TGIF1: variants seen among roughly 807,000 people sequenced by gnomAD.
TGIF1 encodes the protein homeobox protein TGIF1.
Under a neutral mutation model 19.3 loss-of-function variants are expected in TGIF1, and 4 were observed. That is an observed-to-expected ratio of 0.21 (90% CI 0.10 to 0.47). TGIF1 has a LOEUF of 0.47. Among genes scored for constraint, TGIF1 ranks in the 20% least tolerant of loss-of-function variants. The pLI is 0.98. For synonymous variants in TGIF1, 122 were observed against 129.3 expected (o/e 0.94, Z 0.38); for missense variants, 275 against 341.4 (o/e 0.81, Z 1.53).
intron 1 of TGIF1, chr18:3,412,314 T>C (rs546359767): frequency 2.0e-5 from 3 of 152,170 alleles, no homozygotes; most frequent in Non-Finnish European, 2.9e-5. Flanking sequence ...ATTTGAGAGA[T>C]AGAGTATTTT....
intron 2 of TGIF1, among the ~76,000 whole-genome samples, chr18:3,432,123 CAAAAAAAAA>C (rs751364681): frequency 1.0e-5 from 1 of 98,026 alleles, no homozygotes; most frequent in Non-Finnish European, 2.0e-5. Flanking sequence ...ACAAAACTGT[CAAAAAAAAA>C]AAAAAAAAAA....
At chr18:3,435,421 C>T (rs185227879) in intron 2 of TGIF1, among the ~76,000 whole-genome samples, 1 of 152,274 alleles carries the variant, frequency 6.6e-6, no homozygotes, top group African/African-American at 2.4e-5. Flanking sequence ...TGGTCTCGAA[C>T]TCCTGAGCTC....
At chr18:3,420,090 A>G (rs2082382675) in intron 2 of TGIF1, among the ~76,000 whole-genome samples, 1 of 152,126 alleles carries the variant, frequency 6.6e-6, no homozygotes. Flanking sequence ...TTAAAATCAA[A>G]CAAGTGGCCA....
At chr18:3,452,101 C>T (rs2082967329) in intron 1 of TGIF1, 1 of 1,614,028 alleles carries the variant, frequency 6.2e-7, no homozygotes, top group East Asian at 2.2e-5. Flanking sequence ...CCCCAGTGCT[C>T]CTTTTCCACG....
chr18:3,457,200 TG>T lies in TGIF1; in HGVS notation c.244-163del. On this transcript the variant is annotated intron_variant, in intron 2 of 2. Transcript: ENST00000343820. This position sits in a 1 kb window ranked among gnomAD's most constrained non-coding sequence, Gnocchi z 4.9. ...TATGACAGGTGGTAGCTTGCTTTCT[TG>T]GCGGAGCTCAGATACCTTGAAATAA... The T allele has an allele frequency of 1.2e-6, 1 of 820,992 alleles. No individual in the cohort carries two copies. The highest frequency in any genetic ancestry group is 1.6e-5 in the South Asian group (1 of 60,946). The allele number at this position is 820,992 out of a possible 1,614,324, so 50.9% of individuals were successfully genotyped here.
chr18:3,452,416 T>G (rs2082997695), intron 1 of TGIF1: 1 of 1,612,794 alleles, frequency 6.2e-7, no homozygotes, highest in African/African-American at 1.3e-5. Context: ...TGCGACTGGT[T>G]CAGGGCTCTT....
chr18:3,446,015 T>C (rs1321611342), upstream of TGIF1, among the ~76,000 whole-genome samples: 3 of 152,102 alleles, frequency 2.0e-5, no homozygotes, highest in Non-Finnish European at 2.9e-5. Context: ...AACTTTGTTA[T>C]ATTTGGATGT....
intron 2 of TGIF1, among the ~76,000 whole-genome samples, chr18:3,422,697 T>G (rs1278931033): frequency 3.5e-5 from 5 of 141,676 alleles, no homozygotes; most frequent in Non-Finnish European, 6.2e-5. Context: ...TTTTTTTTTT[T>G]TTTTTTTTTT....
At chr18:3,433,178 C>T (rs2082572408) in intron 2 of TGIF1, among the ~76,000 whole-genome samples, 1 of 151,796 alleles carries the variant, frequency 6.6e-6, no homozygotes, top group Admixed American at 6.6e-5. Context: ...GGCTCAAGCA[C>T]TCCTTTTGCT....
rs1355216701 is a variant in TGIF1 at position 3,457,960 on chromosome 18, G to C, written c.*20G>C. 6.3e-7 allele frequency: 1 copy of C among 1,595,806 alleles called. No individual in the cohort carries two copies. Among genetic ancestry groups the C allele is most frequent in the African/African-American group, 1.3e-5 (1 of 74,812 alleles). ...GCTTAACCCATTTTCAAGCAAAACAGTTCTCAGAAATGTCATGATTGCCGG... is the reference window on the plus strand; with the variant it reads ...GCTTAACCCATTTTCAAGCAAAACACTTCTCAGAAATGTCATGATTGCCGG... On this transcript the variant is annotated 3_prime_UTR_variant, in exon 3 of 3. Coordinates refer to ENST00000343820, the MANE Select transcript of TGIF1 (RefSeq NM_003244.4). This position sits in a 1 kb window ranked among gnomAD's most constrained non-coding sequence, Gnocchi z 4.9.
chr18:3,421,178 A>G (rs1440399535), intron 2 of TGIF1, among the ~76,000 whole-genome samples: 2 of 151,484 alleles, frequency 1.3e-5, no homozygotes, highest in Non-Finnish European at 2.9e-5. Flanking sequence ...ATTTGATGGT[A>G]CTAGCACTTG....
chr18:3,432,997 C>T (rs997329590), intron 2 of TGIF1, among the ~76,000 whole-genome samples: 13 of 151,736 alleles, frequency 8.6e-5, no homozygotes, highest in African/African-American at 2.7e-4. Context: ...GACCTCAGGT[C>T]ATCCGCCCGG....
chr18:3,415,229 T>C, intron 1 of TGIF1: 1 of 225,134 alleles, frequency 4.4e-6, no homozygotes, highest in East Asian at 1.0e-4. Context: ...TTTGGCAGCT[T>C]CTGTCGATGC....
intron 2 of TGIF1, among the ~76,000 whole-genome samples, chr18:3,434,334 C>T (rs188557190): frequency 4.6e-5 from 7 of 152,156 alleles, no homozygotes; most frequent in African/African-American, 1.7e-4. Context: ...GTCAGGAGTT[C>T]GAGACCAGCC....
At chr18:3,426,320 C>T (rs898704536) in intron 2 of TGIF1, among the ~76,000 whole-genome samples, 1 of 152,156 alleles carries the variant, frequency 6.6e-6, no homozygotes, top group African/African-American at 2.4e-5. Flanking sequence ...AGATGCACAT[C>T]ACCACACCTA....
upstream of TGIF1, chr18:3,448,133 G>T (rs1484862484): frequency 1.8e-5 from 18 of 984,178 alleles, no homozygotes; most frequent in East Asian, 1.6e-3. Flanking sequence ...CTTCGAAAGC[G>T]GCCGAGGCAG....
upstream of TGIF1, chr18:3,447,578 A>G: frequency 1.2e-6 from 1 of 812,988 alleles, no homozygotes; most frequent in South Asian, 1.4e-5. Context: ...AGAATGCACC[A>G]AGAATCCGAA....
chr18:3,440,236 C>T (rs1222699374), intron 2 of TGIF1, among the ~76,000 whole-genome samples: 2 of 151,466 alleles, frequency 1.3e-5, no homozygotes, highest in African/African-American at 2.4e-5. Context: ...CTGTATTCCT[C>T]ATTACTTGGG....
At chr18:3,426,916 CTTTT>C (rs545236407) in intron 2 of TGIF1, among the ~76,000 whole-genome samples, 4 of 100,088 alleles carry the variant, frequency 4.0e-5, no homozygotes, top group Non-Finnish European at 7.8e-5. Flanking sequence ...AGGATGATCT[CTTTT>C]TTTTTTTTTT....
Sources: allele counts gnomAD v4.1 joint callset (sites outside exome capture counted in the v4.1 genomes callset), GRCh38; gene constraint gnomAD v4.1.1; non-coding constraint Gnocchi (gnomAD v3.1); transcripts MANE v1.5; gene names NCBI Gene and HGNC (gene_info 2026-07-23, HGNC 2026-07-21).